NR3C2: variants seen among roughly 807,000 people sequenced by gnomAD.
The protein encoded by NR3C2 is nuclear receptor subfamily 3 group C member 2, also known as mineralocorticoid receptor.
NR3C2 carries 15 observed loss-of-function variants against 86.4 expected under a neutral mutation model. The ratio of observed to expected loss-of-function variants is 0.17; its 90% CI spans 0.12 to 0.27. The LOEUF (loss-of-function observed/expected upper bound fraction) is 0.27, where lower values mean the gene tolerates loss of function less well. NR3C2 is among the 10% of genes least tolerant of loss of function. NR3C2 has a pLI of 1.00. For missense variants in NR3C2, 960 were observed against 1,195.6 expected (o/e 0.80, Z 2.91); for synonymous variants, 458 against 450.5 (o/e 1.02, Z -0.21).
upstream of NR3C2, chr4:148,443,842 A>T: frequency 1.2e-5 from 3 of 258,726 alleles, no homozygotes; most frequent in Non-Finnish European, 1.8e-5. Context: ...ACAGTTAGTT[A>T]AGCTCCGGGA....
At chr4:148,145,558 C>T (rs1320246226) in intron 6 of NR3C2, among the ~76,000 whole-genome samples, 1 of 152,178 alleles carries the variant, frequency 6.6e-6, no homozygotes, top group Non-Finnish European at 1.5e-5. Context: ...CTCCTTCTGC[C>T]CCTCAAATTC....
chr4:148,433,751 T>C (rs1286793906), intron 2 of NR3C2, among the ~76,000 whole-genome samples: 1 of 152,158 alleles, frequency 6.6e-6, no homozygotes, highest in East Asian at 1.9e-4. Flanking sequence ...TACAAAAATA[T>C]TCACAACACA....
At chr4:148,177,332 A>T (rs1735423495) in intron 4 of NR3C2, among the ~76,000 whole-genome samples, 2 of 152,230 alleles carry the variant, frequency 1.3e-5, no homozygotes, top group African/African-American at 4.8e-5. Flanking sequence ...ATCTGAAAAG[A>T]TACTAATGAT....
intron 3 of NR3C2, among the ~76,000 whole-genome samples, chr4:148,258,330 T>C (rs564717286): frequency 9.2e-5 from 14 of 152,164 alleles, no homozygotes; most frequent in Non-Finnish European, 1.5e-4. Context: ...GAACCAATCA[T>C]CTAATTAAGG....
At chr4:148,437,298 C>T (rs1355515093) in intron 1 of NR3C2, among the ~76,000 whole-genome samples, 1 of 152,196 alleles carries the variant, frequency 6.6e-6, no homozygotes, top group Non-Finnish European at 1.5e-5. Flanking sequence ...AATCTTTTGA[C>T]TCCAATGCCT....
intron 2 of NR3C2, among the ~76,000 whole-genome samples, chr4:148,331,507 G>A (rs752733891): frequency 4.6e-5 from 7 of 152,150 alleles, no homozygotes; most frequent in Non-Finnish European, 7.4e-5. Context: ...TTACATATCA[G>A]AGGTATTCCC....
intron 6 of NR3C2, among the ~76,000 whole-genome samples, chr4:148,142,376 T>G (rs544078326): frequency 5.3e-4 from 81 of 152,224 alleles, no homozygotes; most frequent in African/African-American, 1.9e-3. Flanking sequence ...CTAGGACCTA[T>G]AGATCCTAGA....
chr4:148,354,291 A>C (rs1352091785), intron 2 of NR3C2, among the ~76,000 whole-genome samples: 1 of 152,252 alleles, frequency 6.6e-6, no homozygotes, highest in Middle Eastern at 3.4e-3. Flanking sequence ...ATAAGAACAC[A>C]GTATATTATA....
At chr4:148,314,412 G>A (rs916763516) in intron 2 of NR3C2, among the ~76,000 whole-genome samples, 3 of 152,036 alleles carry the variant, frequency 2.0e-5, no homozygotes, top group Non-Finnish European at 1.5e-5. Context: ...ATCAGTCATC[G>A]GAAAGGTGCT....
At chr4:148,412,133 G>A (rs1367253053) in intron 2 of NR3C2, among the ~76,000 whole-genome samples, 1 of 152,068 alleles carries the variant, frequency 6.6e-6, no homozygotes, top group East Asian at 1.9e-4. Context: ...TCGCCATAGG[G>A]ACTAATGCCT....
intron 8 of NR3C2, among the ~76,000 whole-genome samples, chr4:148,102,905 A>G (rs1731605121): frequency 6.6e-6 from 1 of 152,194 alleles, no homozygotes; most frequent in Admixed American, 6.5e-5. Context: ...CGTTGGACAG[A>G]TCAGCTCCAG....
intron 3 of NR3C2, among the ~76,000 whole-genome samples, chr4:148,239,313 T>C (rs917426628): frequency 2.0e-5 from 3 of 152,196 alleles, no homozygotes; most frequent in Non-Finnish European, 4.4e-5. Flanking sequence ...GGTCCCAGTC[T>C]GTAAAATGAG....
At chr4:148,100,313 T>A (rs1250661869) in intron 8 of NR3C2, among the ~76,000 whole-genome samples, 1 of 152,056 alleles carries the variant, frequency 6.6e-6, no homozygotes, top group East Asian at 1.9e-4. Context: ...GAGAAAATAT[T>A]TGCAAATCAT....
At chr4:148,302,777 C>A (rs995039359) in intron 2 of NR3C2, among the ~76,000 whole-genome samples, 1 of 143,640 alleles carries the variant, frequency 7.0e-6, no homozygotes, top group Admixed American at 7.5e-5. Context: ...ACCTGGGAGG[C>A]AGAGGTTGTA....
chr4:148,149,151 A>C (rs1733997210), intron 6 of NR3C2, among the ~76,000 whole-genome samples: 1 of 152,180 alleles, frequency 6.6e-6, no homozygotes, highest in African/African-American at 2.4e-5. Flanking sequence ...TAGTTGAGAG[A>C]AAGAAACCCT....
rs150256421 is a variant in NR3C2, at chr4:148,151,711, T to C, written c.2510+758A>G. ...CCCTACTGAAACCCCTGTTTTCCTA[T>C]TGCCAGAGAGAGCCATCTGTCAGAA... On this transcript the variant is annotated intron_variant, in intron 6 of 8. Transcript: ENST00000358102. Among the ~76,000 whole-genome samples, 6 of 152,332 alleles carry C rather than the reference T, an allele frequency of 3.9e-5. No homozygotes were observed. In the East Asian group the frequency reaches 9.6e-4, roughly 24 times the overall value.
chr4:148,397,132 G>C (rs1013682981), intron 2 of NR3C2, among the ~76,000 whole-genome samples: 4 of 152,096 alleles, frequency 2.6e-5, no homozygotes, highest in African/African-American at 9.7e-5. Flanking sequence ...ATCCTTTCTG[G>C]GTCCCCATGA....
At chr4:148,417,838 A>G (rs1444670103) in intron 2 of NR3C2, among the ~76,000 whole-genome samples, 1 of 152,180 alleles carries the variant, frequency 6.6e-6, no homozygotes, top group Non-Finnish European at 1.5e-5. Context: ...AAGATACTAT[A>G]TATTTTGCAA....
At chr4:148,359,825 T>A (rs924083084) in intron 2 of NR3C2, among the ~76,000 whole-genome samples, 1 of 152,160 alleles carries the variant, frequency 6.6e-6, no homozygotes, top group Admixed American at 6.5e-5. Context: ...ACCTTAAGAA[T>A]GGCAATGTAA....
Sources: gnomAD v4.1 joint callset for allele counts (sites outside exome capture counted in the v4.1 genomes callset) on GRCh38, gnomAD v4.1.1 for gene constraint, MANE v1.5 for transcripts, NCBI Gene and HGNC (gene_info 2026-07-23, HGNC 2026-07-21) for gene names.